The following GPC3 variants were observed in gnomAD, a reference collection of about 807,000 sequenced individuals.
The protein encoded by GPC3 is glypican 3.
A neutral mutation model predicts 34.4 loss-of-function variants in GPC3; 3 were observed. The ratio of observed to expected loss-of-function variants is 0.09; its 90% CI spans 0.04 to 0.23. The LOEUF is 0.23. GPC3 is among the 10% of genes least tolerant of loss of function. GPC3 has a pLI of 1.00. For missense variants in GPC3, 351 were observed against 445.6 expected, an observed-to-expected ratio of 0.79 and a Z score of 1.91; for synonymous variants, 177 against 174.0, an observed-to-expected ratio of 1.02 and a Z score of -0.13.
chrX:133,894,564 G>A (rs982863440), intron 2 of GPC3, among the ~76,000 whole-genome samples: 2 of 112,292 alleles, frequency 1.8e-5, no homozygotes, highest in African/African-American at 6.5e-5. Flanking sequence ...AAGAGGCCGG[G>A]CACGGTGGCT....
intron 6 of GPC3, among the ~76,000 whole-genome samples, chrX:133,608,571 G>A (rs2070074093): frequency 8.9e-6 from 1 of 111,931 alleles, no homozygotes; most frequent in African/African-American, 3.2e-5. Flanking sequence ...TATACTTTTG[G>A]GAAATGAGAA....
chrX:133,741,805 C>T (rs777175399), intron 3 of GPC3, among the ~76,000 whole-genome samples: 1 of 113,127 alleles, frequency 8.8e-6, no homozygotes, highest in East Asian at 2.8e-4. Flanking sequence ...TCATCTTCCT[C>T]GTTGTATAGA....
chrX:133,609,723 A>C (rs1244680604), intron 6 of GPC3, among the ~76,000 whole-genome samples: 1 of 112,092 alleles, frequency 8.9e-6, no homozygotes, highest in East Asian at 2.8e-4. Context: ...CAGTTGTAAA[A>C]TTTTCTGTTG....
At chrX:133,883,724 T>G (rs2076051445) in intron 2 of GPC3, among the ~76,000 whole-genome samples, 1 of 111,818 alleles carries the variant, frequency 8.9e-6, no homozygotes, top group African/African-American at 3.2e-5. Flanking sequence ...TTACTGATAT[T>G]CTTTCCCCAG....
chrX:133,626,989 A>G (rs1368970128), intron 6 of GPC3, among the ~76,000 whole-genome samples: 1 of 109,016 alleles, frequency 9.2e-6, no homozygotes, highest in Admixed American at 1.0e-4. Flanking sequence ...GCAGCTGTAA[A>G]AAAGGATGAG....
chrX:133,889,776 T>C (rs1247071409), intron 2 of GPC3, among the ~76,000 whole-genome samples: 2 of 94,813 alleles, frequency 2.1e-5, no homozygotes, highest in African/African-American at 3.9e-5. Flanking sequence ...CCCCCGACCA[T>C]AATCTCACCA....
chrX:133,730,459 G>A lies in GPC3; in HGVS notation c.1032+23023C>T, dbSNP rs143442928. On this transcript the variant is annotated intron_variant, in intron 3 of 7. Transcript: ENST00000370818. The stretch of plus-strand genomic sequence containing the variant: ...TTATTCACTATTTCTATAGTGAGCC[G>A]TATTTCAGAGGTTCTCCTAGTCTCA... 2.0e-3 allele frequency among the ~76,000 whole-genome samples: 220 copies of A among 111,952 alleles called. 1 individual carries two copies. The highest frequency in any genetic ancestry group is 6.7e-3 in the African/African-American group (206 of 30,903).
At chrX:133,951,483 C>T (rs192353161) in intron 2 of GPC3, among the ~76,000 whole-genome samples, 1 of 111,274 alleles carries the variant, frequency 9.0e-6, no homozygotes, top group East Asian at 2.8e-4. Flanking sequence ...ATCACTAATA[C>T]TCTGTTCTAA....
At chrX:133,763,942 A>C (rs1304159029) in intron 2 of GPC3, among the ~76,000 whole-genome samples, 1 of 111,771 alleles carries the variant, frequency 8.9e-6, no homozygotes, top group South Asian at 3.8e-4. Flanking sequence ...AGGAAAATAA[A>C]TCATTCTACC....
intron 7 of GPC3, among the ~76,000 whole-genome samples, chrX:133,576,998 T>G (rs1045026882): frequency 9.0e-6 from 1 of 111,661 alleles, no homozygotes; most frequent in Non-Finnish European, 1.9e-5. Context: ...AGCAAATCCA[T>G]GGTCTCATGA....
At chrX:133,727,633 T>A (rs2071423232) in intron 3 of GPC3, among the ~76,000 whole-genome samples, 1 of 111,775 alleles carries the variant, frequency 8.9e-6, no homozygotes, top group Admixed American at 9.5e-5. Context: ...TATTTCCAGA[T>A]CCCTGTTCTC....
intron 7 of GPC3, among the ~76,000 whole-genome samples, chrX:133,538,267 T>G (rs1160492949): frequency 8.9e-6 from 1 of 112,439 alleles, no homozygotes; most frequent in African/African-American, 3.2e-5. Flanking sequence ...CAGCTGTCAG[T>G]CGGCAAGGAT....
chrX:133,600,102 C>T (rs769033450), intron 6 of GPC3, among the ~76,000 whole-genome samples: 1 of 111,724 alleles, frequency 9.0e-6, no homozygotes, highest in African/African-American at 3.3e-5. Flanking sequence ...GTGAGCTGCC[C>T]AGGGGTTTAA....
chrX:133,763,202 A>G, intron 2 of GPC3: 1 of 631,291 alleles, frequency 1.6e-6, no homozygotes, highest in Non-Finnish European at 2.6e-6. Flanking sequence ...CCTCTCACAG[A>G]GGCATCTTAT....
At chrX:133,757,024 A>G (rs2071731747) in intron 2 of GPC3, among the ~76,000 whole-genome samples, 1 of 112,687 alleles carries the variant, frequency 8.9e-6, no homozygotes, top group Non-Finnish European at 1.9e-5. Flanking sequence ...TTTTTTGGTC[A>G]GATAATAAGG....
rs192438493 is a variant in GPC3 at position 133,758,210 on chromosome X, A to G, written c.338-4034T>C. Among the ~76,000 whole-genome samples the G allele has an allele frequency of 1.8e-3, 206 of 111,869 alleles. 4 individuals carry two copies. The highest frequency in any genetic ancestry group is 1.4e-3 in the Non-Finnish European group (76 of 53,151). On this transcript the variant is annotated intron_variant, in intron 2 of 7. Transcript: ENST00000370818. The stretch of plus-strand genomic sequence containing the variant: ...AATCCTAATACTTGGTATACACCCA[A>G]AGGAATATAAATCATTCTATTATAA...
intron 1 of GPC3, among the ~76,000 whole-genome samples, chrX:133,960,097 G>A (rs6638148): frequency 9.0e-6 from 1 of 111,191 alleles, no homozygotes; most frequent in Non-Finnish European, 1.9e-5. Flanking sequence ...AGACCATACA[G>A]AATGGAAAAG....
intron 1 of GPC3, among the ~76,000 whole-genome samples, chrX:133,969,831 T>C (rs1223810192): frequency 9.0e-6 from 1 of 111,583 alleles, no homozygotes; most frequent in Non-Finnish European, 1.9e-5. Context: ...CATCACTAGA[T>C]GACAATCAAA....
At chrX:133,897,269 T>G (rs1468353380) in intron 2 of GPC3, among the ~76,000 whole-genome samples, 3 of 100,555 alleles carry the variant, frequency 3.0e-5, no homozygotes, top group African/African-American at 1.1e-4. Flanking sequence ...AGGCTGGTCT[T>G]GAACTCCTGG....
Sources: gnomAD v4.1 joint callset for allele counts (sites outside exome capture counted in the v4.1 genomes callset) on GRCh38, gnomAD v4.1.1 for gene constraint, MANE v1.5 for transcripts, NCBI Gene and HGNC (gene_info 2026-07-23, HGNC 2026-07-21) for gene names.